ABCA13: variants seen among roughly 807,000 people sequenced by gnomAD.
The protein encoded by ABCA13 is ATP binding cassette subfamily A member 13.
ABCA13 carries 476 observed loss-of-function variants against 478.7 expected under a neutral mutation model. The ratio of observed to expected loss-of-function variants is 0.99; its 90% CI spans 0.92 to 1.07. The LOEUF is 1.07. Ranked by LOEUF, ABCA13 falls within the 50% of genes least tolerant of loss-of-function variation. The probability of loss-of-function intolerance (pLI) is 0.00; values close to 1 mark genes in which losing one functional copy is unlikely to be tolerated. For missense variants in ABCA13, 6,060 were observed against 5,910.6 expected (o/e 1.03, Z -0.83); for synonymous variants, 2,252 against 2,158.9 (o/e 1.04, Z -1.20).
At chr7:48,513,730 T>C (rs1831889310) in intron 51 of ABCA13, among the ~76,000 whole-genome samples, 1 of 152,210 alleles carries the variant, frequency 6.6e-6, no homozygotes, top group South Asian at 2.1e-4. Context: ...AAATTCATTG[T>C]AATTTTCACA....
intron 1 of ABCA13, among the ~76,000 whole-genome samples, chr7:48,171,957 A>G (rs753750982): frequency 3.9e-5 from 6 of 152,270 alleles, no homozygotes; most frequent in Non-Finnish European, 8.8e-5. Flanking sequence ...CCGAAGCACA[A>G]GACTGCACAG....
intron 20 of ABCA13, among the ~76,000 whole-genome samples, chr7:48,289,395 G>A (rs577356712): frequency 7.2e-6 from 1 of 139,592 alleles, no homozygotes; most frequent in African/African-American, 2.7e-5. Flanking sequence ...GTCTTGCACT[G>A]TTGCCTGGGC....
intron 58 of ABCA13, among the ~76,000 whole-genome samples, chr7:48,595,508 C>G (rs1790188826): frequency 6.6e-6 from 1 of 151,998 alleles, no homozygotes; most frequent in Non-Finnish European, 1.5e-5. Context: ...CACATTTTGC[C>G]CTTTTGCAAG....
At chr7:48,597,810 G>C (rs1790452107) in intron 58 of ABCA13, among the ~76,000 whole-genome samples, 1 of 152,134 alleles carries the variant, frequency 6.6e-6, no homozygotes, top group Middle Eastern at 3.4e-3. Context: ...AATAGTTTTA[G>C]GTTCACTGAA....
Position 48,278,981 on chromosome 7 carries a change from A to G in ABCA13, c.7787A>G (p.Asp2596Gly), listed in dbSNP as rs753984630. The G allele has an allele frequency of 6.2e-7, 1 of 1,613,386 alleles. No individual in the cohort carries two copies. The highest frequency in any genetic ancestry group is 8.5e-7 in the Non-Finnish European group (1 of 1,179,808). ...AATGATTTGTTGGTGCCATTTCTTG[A>G]CTTGGCCTTTGAAATGATTGGGGTA... ...KINDLLVPFL[D>G]LAFEMIGVEP... The change falls in exon 18 of 62, where the codon GAC (aspartate) becomes GGC (glycine). Residue 2596 changes from aspartate (D) to glycine (G), a missense_variant. Coordinates refer to ENST00000435803, the MANE Select transcript of ABCA13 (RefSeq NM_152701.5).
At position 48,241,030 on chromosome 7, in the gene ABCA13, C is replaced by T. The variant is rs1421499442; in HGVS notation, c.1226C>T (p.Ala409Val). Reference sequence around the variant, plus strand: ...CTCCTGCTGAATGACAGCTTGTCAGCAGATGGCCCAAAAGATAATCATACA... The same window carrying T: ...CTCCTGCTGAATGACAGCTTGTCAGTAGATGGCCCAAAAGATAATCATACA... ...ALLLLNDSLS[A>V]DGPKDNHTFP... The change falls in exon 10 of 62, where the codon GCA becomes GTA. Residue 409 changes from alanine (A) to valine (V), a missense_variant. Around this residue, in one of 3 missense-constraint regions of ABCA13, gnomAD observed 4,423 missense variants for 4,309.1 expected, o/e 1.03. Transcript: ENST00000435803. The T allele has an allele frequency of 1.2e-6, 2 of 1,614,030 alleles. No individual in the cohort carries two copies. Among genetic ancestry groups the T allele is most frequent in the South Asian group, 2.2e-5 (2 of 91,086 alleles).
At chr7:48,327,175 G>A (rs1044656246) in intron 27 of ABCA13, among the ~76,000 whole-genome samples, 27 of 152,274 alleles carry the variant, frequency 1.8e-4, no homozygotes, top group African/African-American at 6.0e-4. Context: ...AGGTTTAATT[G>A]ACTCACAGTT....
chr7:48,423,614 C>T (rs957906566), intron 41 of ABCA13, among the ~76,000 whole-genome samples: 1 of 152,108 alleles, frequency 6.6e-6, no homozygotes, highest in African/African-American at 2.4e-5. Context: ...ATGCCTAGAC[C>T]TCAAAGCTCT....
At chr7:48,418,164 T>A (rs1472002790) in intron 41 of ABCA13, among the ~76,000 whole-genome samples, 1 of 152,232 alleles carries the variant, frequency 6.6e-6, no homozygotes, top group African/African-American at 2.4e-5. Flanking sequence ...CAGATTTTTG[T>A]GTGGACATAA....
At chr7:48,477,440 C>T (rs1312746357) in intron 45 of ABCA13, among the ~76,000 whole-genome samples, 9 of 151,896 alleles carry the variant, frequency 5.9e-5, no homozygotes, top group South Asian at 2.1e-4. Flanking sequence ...CACATGCACA[C>T]GTATGTTTAT....
At chr7:48,578,893 C>T (rs1367360686) in intron 55 of ABCA13, among the ~76,000 whole-genome samples, 3 of 152,182 alleles carry the variant, frequency 2.0e-5, no homozygotes, top group Non-Finnish European at 4.4e-5. Context: ...GGCAAATAAT[C>T]ATCTTTGCAA....
In ABCA13 at chr7:48,229,819, T is replaced by C. The variant is rs773221319; in HGVS notation, c.633-6T>C. 1 of 1,613,882 alleles carries C rather than the reference T, an allele frequency of 6.2e-7. No individual in the cohort carries two copies. The highest frequency in any genetic ancestry group is 2.2e-5 in the East Asian group (1 of 44,884). On this transcript the variant is annotated splice_polypyrimidine_tract_variant and splice_region_variant and intron_variant, in intron 6 of 61. Transcript: ENST00000435803. ...CATATTGCTTTTTGTTTTGTTTTGG[T>C]TCTAGTTCCTTAATATCCCTAGAAG...
intron 43 of ABCA13, among the ~76,000 whole-genome samples, chr7:48,463,182 A>G (rs1881079): frequency 0.19 from 28,580 of 152,054 alleles, 3,111 homozygotes; most frequent in African/African-American, 0.29. Flanking sequence ...TTTTTCATAA[A>G]TATTGGCACT....
chr7:48,401,588 A>C (rs979992614), intron 38 of ABCA13, among the ~76,000 whole-genome samples: 1 of 152,106 alleles, frequency 6.6e-6, no homozygotes, highest in East Asian at 1.9e-4. Flanking sequence ...TGATGCCCCT[A>C]CCTTTATACC....
intron 55 of ABCA13, among the ~76,000 whole-genome samples, chr7:48,534,513 C>A (rs1833443363): frequency 6.6e-6 from 1 of 151,970 alleles, no homozygotes; most frequent in Non-Finnish European, 1.5e-5. Flanking sequence ...ATGAATTTCC[C>A]AGGTGTTCTT....
chr7:48,232,959 C>T (rs10271099), intron 7 of ABCA13, among the ~76,000 whole-genome samples: 47,602 of 152,026 alleles, frequency 0.31, 8,069 homozygotes, highest in Middle Eastern at 0.43. Flanking sequence ...TGAGACCTCC[C>T]ATGGTGTATT....
In ABCA13 at chr7:48,273,114, T is replaced by C. The variant is rs984471361; in HGVS notation, c.3448T>C (p.Trp1150Arg). ...KFMSIHCTVS[W>R]LQMWTEIWET... ...TATGTCCATTCACTGTACCGTTTCA[T>C]GGCTTCAAATGTGGACTGAAATCTG... The change falls in exon 17 of 62, where the codon TGG (tryptophan) becomes CGG (arginine). Residue 1150 changes from tryptophan (W) to arginine (R), a missense_variant. This residue lies in a region of ABCA13 where 4,423 missense variants were observed against 4,309.1 expected (regional missense o/e 1.03). Coordinates refer to ENST00000435803, the MANE Select transcript of ABCA13 (RefSeq NM_152701.5). 20 of 1,613,766 alleles carry C rather than the reference T, an allele frequency of 1.2e-5. No homozygotes were observed. The highest frequency in any genetic ancestry group is 1.7e-5 in the Non-Finnish European group (20 of 1,179,768).
intron 48 of ABCA13, among the ~76,000 whole-genome samples, chr7:48,505,508 A>T (rs1831124586): frequency 6.6e-6 from 1 of 152,198 alleles, no homozygotes; most frequent in Non-Finnish European, 1.5e-5. Flanking sequence ...AAAGAAAAAT[A>T]AGCAAAATCT....
chr7:48,489,199 T>C (rs1829620168), intron 47 of ABCA13, 37 bp from the exon 48 acceptor site: 1 of 1,515,200 alleles, frequency 6.6e-7, no homozygotes, highest in Non-Finnish European at 9.1e-7. Flanking sequence ...TACGAGCTAA[T>C]TTCGTGAGAG....
Sources: allele counts gnomAD v4.1 joint callset (sites outside exome capture counted in the v4.1 genomes callset), GRCh38; gene constraint gnomAD v4.1.1; regional missense constraint gnomAD v4.1.1; transcripts MANE v1.5; gene names NCBI Gene and HGNC (gene_info 2026-07-23, HGNC 2026-07-21).